Variants in AK5 observed in about 807,000 individuals in gnomAD.
The protein encoded by AK5 is adenylate kinase 5.
In AK5, 27 loss-of-function variants were observed where a neutral mutation model predicts 69.5. The observed-to-expected ratio is 0.39, with a 90% CI of 0.29 to 0.54. AK5 has a LOEUF of 0.54. AK5 is among the 20% of genes least tolerant of loss of function. AK5 has a pLI of 0.71. For missense variants in AK5, 531 were observed against 700.4 expected (o/e 0.76, Z 2.73); for synonymous variants, 260 against 244.4 (o/e 1.06, Z -0.60).
intron 6 of AK5, among the ~76,000 whole-genome samples, chr1:77,402,705 T>A (rs1649316319): frequency 6.6e-6 from 1 of 151,074 alleles, no homozygotes; most frequent in Admixed American, 6.6e-5. Flanking sequence ...TTGTTGGACA[T>A]TTGGGTTGGT....
chr1:77,286,846 C>CA (rs1658380952), intron 1 of AK5, 95 bp from the exon 2 acceptor site: 3 of 843,242 alleles, frequency 3.6e-6, no homozygotes, highest in African/African-American at 1.8e-5. Context: ...GACTCTATTT[C>CA]AAAAAAATTA....
chr1:77,330,637 A>G (rs753093763), intron 5 of AK5, among the ~76,000 whole-genome samples: 3 of 152,040 alleles, frequency 2.0e-5, no homozygotes, highest in African/African-American at 4.8e-5. Flanking sequence ...CACACTATCT[A>G]TTGCTTTATT....
chr1:77,368,241 A>ATTATATATGT (rs1553140307), intron 6 of AK5, among the ~76,000 whole-genome samples: 2 of 23,280 alleles, frequency 8.6e-5, no homozygotes, highest in Non-Finnish European at 2.2e-4. Flanking sequence ...ATATATATAT[A>ATTATATATGT]TATATATATA....
At chr1:77,351,943 T>TTC (rs10679935) in intron 6 of AK5, among the ~76,000 whole-genome samples, 8 of 151,472 alleles carry the variant, frequency 5.3e-5, no homozygotes, top group African/African-American at 1.9e-4. Flanking sequence ...TTTTTTTTTT[T>TTC]CTTGAGATGG....
chr1:77,378,050 A>T (rs1647360687), intron 6 of AK5, among the ~76,000 whole-genome samples: 1 of 152,156 alleles, frequency 6.6e-6, no homozygotes, highest in South Asian at 2.1e-4. Flanking sequence ...AATTTCTTAT[A>T]TGCATCTCTA....
At chr1:77,500,321 T>C (rs1394904954) in intron 10 of AK5, among the ~76,000 whole-genome samples, 1 of 152,158 alleles carries the variant, frequency 6.6e-6, no homozygotes, top group African/African-American at 2.4e-5. Flanking sequence ...GTTTCCGTAT[T>C]AGACTCAGGT....
intron 12 of AK5, among the ~76,000 whole-genome samples, chr1:77,524,676 C>T (rs1397308195): frequency 6.6e-6 from 1 of 152,094 alleles, no homozygotes; most frequent in Non-Finnish European, 1.5e-5. Flanking sequence ...CAGATATTTT[C>T]TTTCATTTGA....
intron 6 of AK5, among the ~76,000 whole-genome samples, chr1:77,341,682 T>G (rs1015011465): frequency 2.6e-5 from 4 of 152,192 alleles, no homozygotes; most frequent in African/African-American, 9.6e-5. Context: ...TTCTTTGCAA[T>G]CTTTTTAGCA....
intron 10 of AK5, among the ~76,000 whole-genome samples, chr1:77,495,444 G>C (rs971602131): frequency 1.3e-5 from 2 of 152,134 alleles, no homozygotes; most frequent in Non-Finnish European, 2.9e-5. Context: ...GATAGCAAGT[G>C]AATATTAATG....
chr1:77,558,579 T>C (rs376450881), intron 13 of AK5, 23 bp from the exon 14 acceptor site: 9 of 1,420,074 alleles, frequency 6.3e-6, no homozygotes, highest in African/African-American at 1.4e-5. Flanking sequence ...AGACTAACTC[T>C]CTTTTTTTCC....
At chr1:77,500,073 A>C (rs969758583) in intron 10 of AK5, among the ~76,000 whole-genome samples, 1 of 151,590 alleles carries the variant, frequency 6.6e-6, no homozygotes, top group Non-Finnish European at 1.5e-5. Context: ...CAAATGTACT[A>C]ATCTGTCTTC....
intron 13 of AK5, among the ~76,000 whole-genome samples, chr1:77,549,704 CT>C (rs1659725573): frequency 6.6e-6 from 1 of 152,234 alleles, no homozygotes; most frequent in African/African-American, 2.4e-5. Flanking sequence ...CGAAGTCTGT[CT>C]TTCTGTGCCT....
chr1:77,290,102 G>A (rs367719361), intron 2 of AK5, among the ~76,000 whole-genome samples: 128 of 152,204 alleles, frequency 8.4e-4, no homozygotes, highest in South Asian at 2.5e-3. Flanking sequence ...CCCACACAGG[G>A]ATCTTTTAGT....
chr1:77,548,603 A>C (rs1001978522), intron 13 of AK5, among the ~76,000 whole-genome samples: 2 of 152,216 alleles, frequency 1.3e-5, no homozygotes, highest in African/African-American at 2.4e-5. Flanking sequence ...ATACATGAAA[A>C]ATAAAATGAA....
intron 13 of AK5, among the ~76,000 whole-genome samples, chr1:77,546,736 G>A (rs577661213): frequency 1.3e-5 from 2 of 152,250 alleles, no homozygotes; most frequent in South Asian, 4.1e-4. Flanking sequence ...AAAAAGACTT[G>A]TGAAACTCTG....
At chr1:77,522,566 T>C (rs1414962530) in intron 12 of AK5, among the ~76,000 whole-genome samples, 1 of 152,084 alleles carries the variant, frequency 6.6e-6, no homozygotes, top group African/African-American at 2.4e-5. Context: ...GAATCAGAAC[T>C]ACACACCACC....
chr1:77,298,161 A>G lies in AK5; in HGVS notation c.699+214A>G, dbSNP rs61784625. 3,987 of 445,008 alleles carry G rather than the reference A, an allele frequency of 9.0e-3. 26 individuals are homozygous for G. The highest frequency in any genetic ancestry group is 0.013 in the Non-Finnish European group (3,247 of 254,050). The allele number at this position is 445,008 out of a possible 1,614,324, so 27.6% of individuals were successfully genotyped here. ...TCTGCCAAAAGGAAAGATAACTAAT[A>G]ATAGAATTCATTTTATTGAAAAATG... On this transcript the variant is annotated intron_variant, in intron 5 of 13. Transcript: ENST00000354567.
chr1:77,457,968 G>A (rs1011357428), intron 8 of AK5, among the ~76,000 whole-genome samples: 1 of 152,068 alleles, frequency 6.6e-6, no homozygotes, highest in African/African-American at 2.4e-5. Context: ...CAGGCATGGT[G>A]CCCAGCCCCT....
chr1:77,533,524 A>AC (rs1489402746), intron 12 of AK5, among the ~76,000 whole-genome samples: 2 of 151,524 alleles, frequency 1.3e-5, no homozygotes, highest in Non-Finnish European at 2.9e-5. Context: ...AAAAAAAAAA[A>AC]AAAAAAAAAA....
Sources: allele counts gnomAD v4.1 joint callset (sites outside exome capture counted in the v4.1 genomes callset), GRCh38; gene constraint gnomAD v4.1.1; transcripts MANE v1.5; gene names NCBI Gene and HGNC (gene_info 2026-07-23, HGNC 2026-07-21).